MDGA2: variants seen among roughly 807,000 people sequenced by gnomAD.
The protein encoded by MDGA2 is MAM domain-containing glycosylphosphatidylinositol anchor protein 2.
A neutral mutation model predicts 117.8 loss-of-function variants in MDGA2; 40 were observed. The observed-to-expected ratio is 0.34, with a 90% confidence interval of 0.26 to 0.44. The LOEUF is 0.44. MDGA2 is among the 20% of genes least tolerant of loss of function. The pLI is 1.00. For synonymous variants in MDGA2, 452 were observed against 439.0 expected (o/e 1.03, Z -0.37); for missense variants, 1,123 against 1,250.6 (o/e 0.90, Z 1.54).
intron 1 of MDGA2, among the ~76,000 whole-genome samples, chr14:47,589,902 G>A (rs1594932512): frequency 6.6e-6 from 1 of 151,824 alleles, no homozygotes; most frequent in African/African-American, 2.4e-5. Context: ...TTACTCTTAA[G>A]TACTTTATTC....
intron 2 of MDGA2, among the ~76,000 whole-genome samples, chr14:47,282,843 G>A (rs1888545977): frequency 6.7e-6 from 1 of 150,188 alleles, no homozygotes; most frequent in Admixed American, 6.6e-5. Flanking sequence ...AGCTACTCAG[G>A]AGGCTAAGGT....
intron 6 of MDGA2, among the ~76,000 whole-genome samples, chr14:47,084,882 A>C (rs576589984): frequency 6.6e-6 from 1 of 152,298 alleles, no homozygotes; most frequent in East Asian, 1.9e-4. Context: ...AGACATCACC[A>C]TTTGTTGTTT....
intron 7 of MDGA2, among the ~76,000 whole-genome samples, chr14:47,057,642 CTT>C (rs1281061997): frequency 1.8e-4 from 5 of 27,186 alleles, no homozygotes; most frequent in African/African-American, 6.1e-4. Context: ...CCCTCCCCTC[CTT>C]TCCCCTCCCC....
At chr14:47,110,428 C>T (rs1479607370) in intron 5 of MDGA2, among the ~76,000 whole-genome samples, 2 of 152,034 alleles carry the variant, frequency 1.3e-5, no homozygotes, top group Non-Finnish European at 2.9e-5. Context: ...CCTCTAAGAC[C>T]ATCTGGTGTT....
rs548114574 is a variant in MDGA2, at chr14:47,170,517, T to C, written c.596-26243A>G. Among the ~76,000 whole-genome samples the C allele has an allele frequency of 1.6e-4, 24 of 152,264 alleles. No homozygotes were observed. In the East Asian group the frequency reaches 4.2e-3, roughly 27 times the overall value. On this transcript the variant is annotated intron_variant, in intron 3 of 16. Coordinates refer to ENST00000399232, the MANE Select transcript of MDGA2 (RefSeq NM_001113498.3). ...CTCACCTGCTAGTTTCTCAGAGATGTTGAGTGACTTAAGAAGTCAAGCAAA... is the reference window on the plus strand; with the variant it reads ...CTCACCTGCTAGTTTCTCAGAGATGCTGAGTGACTTAAGAAGTCAAGCAAA...
At chr14:47,292,459 A>T (rs1395049880) in intron 2 of MDGA2, among the ~76,000 whole-genome samples, 2 of 152,098 alleles carry the variant, frequency 1.3e-5, no homozygotes, top group Non-Finnish European at 2.9e-5. Context: ...CTAGAACTCC[A>T]TTTATCGCTT....
intron 3 of MDGA2, among the ~76,000 whole-genome samples, chr14:47,214,049 C>G (rs868756875): frequency 6.6e-6 from 1 of 152,022 alleles, no homozygotes; most frequent in African/African-American, 2.4e-5. Context: ...ACCATCAGAT[C>G]TCATAAAAAC....
intron 1 of MDGA2, among the ~76,000 whole-genome samples, chr14:47,376,811 GA>G (rs973764822): frequency 7.9e-5 from 12 of 152,216 alleles, no homozygotes; most frequent in Middle Eastern, 3.4e-3. Flanking sequence ...AAAAATGCAG[GA>G]AAAAATGCAT....
chr14:47,537,971 T>C (rs1235355211), intron 1 of MDGA2, among the ~76,000 whole-genome samples: 2 of 152,216 alleles, frequency 1.3e-5, no homozygotes, highest in Non-Finnish European at 2.9e-5. Context: ...TAATGTATTA[T>C]TTATATGATA....
chr14:47,612,699 C>CT (rs1896874840), intron 1 of MDGA2, among the ~76,000 whole-genome samples: 1 of 152,096 alleles, frequency 6.6e-6, no homozygotes, highest in Non-Finnish European at 1.5e-5. Context: ...GCTATCTATA[C>CT]TTTGTTTTTT....
intron 3 of MDGA2, among the ~76,000 whole-genome samples, chr14:47,217,701 G>T (rs1484459698): frequency 6.6e-6 from 1 of 151,912 alleles, no homozygotes; most frequent in Non-Finnish European, 1.5e-5. Context: ...ATATAAAAAT[G>T]CATGTATATC....
chr14:46,892,075 G>A (rs961966973), intron 10 of MDGA2, among the ~76,000 whole-genome samples: 4 of 151,592 alleles, frequency 2.6e-5, no homozygotes, highest in African/African-American at 9.7e-5. Context: ...TATTAAAAAT[G>A]TTTTTTAAAT....
At chr14:47,339,350 T>C (rs970248023) in intron 1 of MDGA2, among the ~76,000 whole-genome samples, 1 of 152,150 alleles carries the variant, frequency 6.6e-6, no homozygotes, top group Admixed American at 6.6e-5. Flanking sequence ...AAAAATAGTA[T>C]TCTGTAAATT....
intron 8 of MDGA2, among the ~76,000 whole-genome samples, chr14:47,000,400 A>AATATATATATTTATAT (rs71112475): frequency 6.1e-5 from 7 of 115,602 alleles, no homozygotes; most frequent in East Asian, 2.3e-4. Flanking sequence ...TTTATATATA[A>AATATATATATTTATAT]ATATATATTT....
chr14:47,087,490 T>TAAAAAA (rs1890947285), intron 6 of MDGA2, among the ~76,000 whole-genome samples: 1 of 138,690 alleles, frequency 7.2e-6, no homozygotes, highest in African/African-American at 2.8e-5. Flanking sequence ...AAAAGAATTA[T>TAAAAAA]AGATGGTTAG....
intron 1 of MDGA2, among the ~76,000 whole-genome samples, chr14:47,391,131 C>T (rs1307780514): frequency 2.0e-5 from 3 of 152,152 alleles, no homozygotes; most frequent in Admixed American, 6.6e-5. Context: ...AATAACCCTC[C>T]TCCGGTATGA....
In MDGA2 at chr14:47,576,531, G is replaced by T. The variant is rs578124790; in HGVS notation, c.280+97986C>A. On this transcript the variant is annotated intron_variant, in intron 1 of 16. Coordinates refer to ENST00000399232, the MANE Select transcript of MDGA2 (RefSeq NM_001113498.3). ...AGTGTTCAATCTCCAAAGTCAATCT[G>T]TACTGTATTGGAAGAGTACAAATTT... is the stretch of plus-strand genomic sequence containing the variant. Among the ~76,000 whole-genome samples, 14 of 152,222 alleles carry T rather than the reference G, an allele frequency of 9.2e-5. No individual in the cohort carries two copies. The South Asian group carries it at 2.7e-3, about 29-fold the overall frequency.
intron 1 of MDGA2, among the ~76,000 whole-genome samples, chr14:47,653,829 G>T (rs1433687669): frequency 6.6e-6 from 1 of 152,122 alleles, no homozygotes; most frequent in East Asian, 1.9e-4. Context: ...TAGCTTTGGA[G>T]ATGGAACAAA....
chr14:47,386,393 C>T (rs7142871), intron 1 of MDGA2, among the ~76,000 whole-genome samples: 149,494 of 152,320 alleles, frequency 0.98, 73,421 homozygotes, highest in East Asian at 1. Flanking sequence ...AATTAAACCA[C>T]TGACTGATAA....
Sources: gnomAD v4.1 joint callset for allele counts (sites outside exome capture counted in the v4.1 genomes callset) on GRCh38, gnomAD v4.1.1 for gene constraint, MANE v1.5 for transcripts, NCBI Gene and HGNC (gene_info 2026-07-23, HGNC 2026-07-21) for gene names.